PPEF1: variants seen among roughly 807,000 people sequenced by gnomAD.
PPEF1 encodes protein phosphatase with EF-hand domain 1.
A neutral mutation model predicts 53.3 loss-of-function variants in PPEF1; 12 were observed. That is an observed-to-expected ratio of 0.23 (90% confidence interval 0.14 to 0.36). PPEF1 has a LOEUF of 0.36. Among genes scored for constraint, PPEF1 ranks in the 10% least tolerant of loss-of-function variants. PPEF1 has a pLI of 1.00. For synonymous variants in PPEF1, 165 were observed against 176.7 expected, an observed-to-expected ratio of 0.93 and a Z score of 0.52; for missense variants, 334 against 490.4, an observed-to-expected ratio of 0.68 and a Z score of 3.01.
At chrX:18,750,052 T>C (rs770840150) in intron 4 of PPEF1, 100 bp downstream of exon 4, 16 of 816,316 alleles carry the variant, frequency 2.0e-5, no homozygotes, top group Non-Finnish European at 2.6e-5. Context: ...TGCATTTCTT[T>C]AGAAAACAGT....
intron 6 of PPEF1, among the ~76,000 whole-genome samples, chrX:18,770,277 T>G (rs2045847054): frequency 9.0e-6 from 1 of 111,496 alleles, no homozygotes; most frequent in South Asian, 3.8e-4. Context: ...TTTAGTTCCC[T>G]TATTACTCTA....
intron 6 of PPEF1, among the ~76,000 whole-genome samples, chrX:18,700,755 C>A (rs1490134259): frequency 8.9e-6 from 1 of 111,783 alleles, no homozygotes; most frequent in Admixed American, 9.5e-5. Context: ...TTCTAGGTCC[C>A]CTCAGGGAGT....
At chrX:18,694,258 T>C (rs769267349) in intron 4 of PPEF1, among the ~76,000 whole-genome samples, 1 of 112,032 alleles carries the variant, frequency 8.9e-6, no homozygotes, top group East Asian at 2.8e-4. Flanking sequence ...ATACACGTTT[T>C]TGCATGAATA....
At chrX:18,803,776 G>A (rs2046599962) in intron 10 of PPEF1, 116 bp from the exon 11 acceptor site, 8 of 725,389 alleles carry the variant, frequency 1.1e-5, no homozygotes. Flanking sequence ...TTTCAAGGAA[G>A]AATGAGAAGT....
intron 1 of PPEF1, 106 bp downstream of exon 1, chrX:18,707,932 G>A: frequency 1.4e-6 from 1 of 735,493 alleles, no homozygotes; most frequent in Non-Finnish European, 2.0e-6. Context: ...AAGCTGCCCT[G>A]TGTGATTTGC....
At chrX:18,733,594 T>G in intron 2 of PPEF1, among the ~76,000 whole-genome samples, 154 bp from the exon 3 acceptor site, 1 of 112,043 alleles carries the variant, frequency 8.9e-6, no homozygotes, top group Admixed American at 9.5e-5. Context: ...GGCAGTCCTC[T>G]GGAGGCAGGC....
rs755932066 is a variant in PPEF1, at chrX:18,782,378, G to T, written c.738G>T (p.Thr246=). 26 of 1,142,026 alleles carry T rather than the reference G, an allele frequency of 2.3e-5. No individual in the cohort carries two copies. In the Admixed American group the frequency reaches 6.5e-4, roughly 28 times the overall value. The allele number at this position is 1,142,026 out of a possible 1,213,427, so 94.1% of individuals were successfully genotyped here. Residue 246 remains threonine, a synonymous_variant, in exon 8 of 16, where the codon ACG becomes ACT. Transcript: ENST00000470157. ...CATTTTTTTTTAGGTATGGCTTCAC[G>T]AAAGAAATTTTGCATAAATATAAGG... ...DFMMNLRYGF[T]KEILHKYKLH... is the part of the protein sequence containing the mutation.
chrX:18,820,596 A>G (rs1330675672), intron 13 of PPEF1, among the ~76,000 whole-genome samples: 2 of 110,855 alleles, frequency 1.8e-5, no homozygotes, highest in Non-Finnish European at 3.8e-5. Flanking sequence ...TGTGTTAGCC[A>G]GAATGGTGTT....
At chrX:18,804,317 T>C (rs187145825) in intron 11 of PPEF1, among the ~76,000 whole-genome samples, 38 of 109,929 alleles carry the variant, frequency 3.5e-4, no homozygotes, top group African/African-American at 1.2e-3. Context: ...AATTCTTTTT[T>C]TTTTTTTGAG....
At chrX:18,685,659 T>C (rs373233092) in intron 2 of PPEF1, among the ~76,000 whole-genome samples, 4 of 86,651 alleles carry the variant, frequency 4.6e-5, no homozygotes, top group African/African-American at 1.9e-4. Context: ...CACTCCAGCC[T>C]GGGTGAAAGA....
intron 1 of PPEF1, among the ~76,000 whole-genome samples, chrX:18,726,662 CTT>C (rs11348941): frequency 2.3e-4 from 23 of 101,877 alleles, no homozygotes; most frequent in Admixed American, 2.1e-4. Flanking sequence ...TCAGTTATTT[CTT>C]TTTTTTTTTT....
At chrX:18,737,675 C>A (rs2045021341) in intron 3 of PPEF1, among the ~76,000 whole-genome samples, 1 of 110,946 alleles carries the variant, frequency 9.0e-6, no homozygotes, top group Non-Finnish European at 1.9e-5. Flanking sequence ...TCCTGGGTAT[C>A]CTTGTTAACT....
At position 18,730,189 on chromosome X, in the gene PPEF1, G is replaced by A; in HGVS notation, c.55G>A (p.Ala19Thr). The A allele has an allele frequency of 8.3e-7, 1 of 1,209,334 alleles. No individual in the cohort carries two copies. The highest frequency in any genetic ancestry group is 1.1e-6 in the Non-Finnish European group (1 of 894,466). ...KTRRSDTSLR[A>T]ALIIQNWYRG... Reference sequence around the variant, plus strand: ...ATTCTGTGGGTCTGCAGCACTGAGAGCTGCGTTGATCATCCAGAACTGGTA... The same window carrying A: ...ATTCTGTGGGTCTGCAGCACTGAGAACTGCGTTGATCATCCAGAACTGGTA... Residue 19 changes from alanine to threonine, a missense_variant, in exon 2 of 16, where the codon GCT (alanine) becomes ACT (threonine). Ala to Thr is a moderately conservative substitution (Grantham distance 58). Transcript: ENST00000470157.
intron 4 of PPEF1, among the ~76,000 whole-genome samples, chrX:18,756,325 G>A (rs777023588): frequency 1.8e-4 from 20 of 109,571 alleles, no homozygotes; most frequent in African/African-American, 5.0e-4. Flanking sequence ...GACTACAGGC[G>A]CGCCCCACCA....
chrX:18,684,720 G>A (rs1163072914), exon 2 of PPEF1, among the ~76,000 whole-genome samples: 2 of 109,505 alleles, frequency 1.8e-5, no homozygotes, highest in Admixed American at 9.8e-5. Context: ...TCCACCTCCC[G>A]GGTTCAAGCG....
intron 4 of PPEF1, among the ~76,000 whole-genome samples, chrX:18,694,526 G>A (rs777863651): frequency 3.6e-5 from 4 of 111,454 alleles, no homozygotes; most frequent in Admixed American, 1.9e-4. Context: ...TGAGGCAGGC[G>A]GATACCTAGA....
chrX:18,739,300 C>T (rs2045082038), intron 3 of PPEF1, among the ~76,000 whole-genome samples: 1 of 112,327 alleles, frequency 8.9e-6, no homozygotes, highest in African/African-American at 3.2e-5. Flanking sequence ...TGGTGACCTA[C>T]AAATGGGGTT....
chrX:18,804,068 T>C lies in PPEF1; in HGVS notation c.1242T>C (p.His414=), dbSNP rs772940979. ...AGCCCGAAGGGTATGAAATCTGTCA[T>C]GATGGGAAGGTAAGCTAAAATTGTT... ...ECKPEGYEIC[H]DGKVVTIFSA... Residue 414 remains histidine (H), a synonymous_variant, in exon 11 of 16, where the codon CAT becomes CAC. Transcript: ENST00000470157. The C allele has an allele frequency of 1.9e-5, 23 of 1,193,168 alleles. No homozygotes were observed. The highest frequency in any genetic ancestry group is 2.5e-5 in the Non-Finnish European group (22 of 884,831).
At chrX:18,704,543 A>T (rs1300062852), upstream of PPEF1, among the ~76,000 whole-genome samples, 1 of 110,885 alleles carries the variant, frequency 9.0e-6, no homozygotes, top group Non-Finnish European at 1.9e-5. Context: ...CTAGATGAAC[A>T]GTGCCCCAAT....
Sources: gnomAD v4.1 joint callset for allele counts (sites outside exome capture counted in the v4.1 genomes callset) on GRCh38, gnomAD v4.1.1 for gene constraint, MANE v1.5 for transcripts, NCBI Gene and HGNC (gene_info 2026-07-23, HGNC 2026-07-21) for gene names.